Variants in KLHL1 observed in about 807,000 individuals in gnomAD.
The protein encoded by KLHL1 is kelch-like protein 1.
A neutral mutation model predicts 77.7 loss-of-function variants in KLHL1; 47 were observed. The ratio of observed to expected loss-of-function variants is 0.60; its 90% CI spans 0.48 to 0.77. The LOEUF (loss-of-function observed/expected upper bound fraction) is 0.77, where lower values mean the gene tolerates loss of function less well. Among genes scored for constraint, KLHL1 ranks in the 30% least tolerant of loss-of-function variants. The pLI is 0.00. For missense variants in KLHL1, 925 were observed against 910.8 expected (o/e 1.02, Z -0.20); for synonymous variants, 360 against 325.2 (o/e 1.11, Z -1.15).
intron 4 of KLHL1, among the ~76,000 whole-genome samples, chr13:69,936,765 T>G (rs973041238): frequency 1.8e-4 from 28 of 151,868 alleles, no homozygotes; most frequent in African/African-American, 6.5e-4. Context: ...GTCAGGGAAG[T>G]TTCTACTGAA....
chr13:69,927,457 C>T lies in KLHL1; in HGVS notation c.1014+12583G>A, dbSNP rs144960641. Among the ~76,000 whole-genome samples, 12 of 152,154 alleles carry T rather than the reference C, an allele frequency of 7.9e-5. No homozygotes were observed. The East Asian group carries it at 2.1e-3, about 27-fold the overall frequency. ...CCTCATTGAGAAAACACTTTCTCATCAGGAAAGTGAGAAGCGACCCACAAA... is the reference window on the plus strand; with the variant it reads ...CCTCATTGAGAAAACACTTTCTCATTAGGAAAGTGAGAAGCGACCCACAAA... On this transcript the variant is annotated intron_variant, in intron 4 of 10. Transcript: ENST00000377844.
Position 69,818,219 on chromosome 13 carries a change from CT to C in KLHL1, c.1414+20756del, listed in dbSNP as rs1316398623. Reference sequence around the variant, plus strand: ...AGAATTTAACTTAACTCATAGGCATCTTTTTTTTTTTTTTTTTTTTGAGACG... The same window carrying C: ...AGAATTTAACTTAACTCATAGGCATCTTTTTTTTTTTTTTTTTTTGAGACG... On this transcript the variant is annotated intron_variant, in intron 6 of 10. Coordinates refer to ENST00000377844, the MANE Select transcript of KLHL1 (RefSeq NM_020866.3). Among the ~76,000 whole-genome samples the C allele has an allele frequency of 3.1e-3, 353 of 112,876 alleles. 3 individuals are homozygous for C. The highest frequency in any genetic ancestry group is 8.7e-3 in the Middle Eastern group (2 of 230). 74.1% of individuals were successfully genotyped at this position (112,876 alleles called of 152,430 possible). A position where few individuals can be genotyped will look rare whatever the true frequency, so the allele number is the denominator to read the frequency against.
At chr13:69,720,235 AC>A (rs757493316) in intron 8 of KLHL1, among the ~76,000 whole-genome samples, 26 of 151,964 alleles carry the variant, frequency 1.7e-4, no homozygotes, top group East Asian at 1.4e-3. Flanking sequence ...GTATGATAGA[AC>A]CCCCCCAAAA....
chr13:70,100,104 A>G (rs1190744086), intron 1 of KLHL1, among the ~76,000 whole-genome samples: 3 of 152,060 alleles, frequency 2.0e-5, no homozygotes, highest in African/African-American at 7.2e-5. Context: ...CTTCAGTGAT[A>G]TGTTCATTTT....
At chr13:69,794,234 GAAGTCAGCT>G (rs1395239757) in intron 7 of KLHL1, among the ~76,000 whole-genome samples, 2 of 152,146 alleles carry the variant, frequency 1.3e-5, no homozygotes, top group African/African-American at 4.8e-5. Flanking sequence ...TAGGTTGAGC[GAAGTCAGCT>G]TACAGGCTTA....
intron 1 of KLHL1, among the ~76,000 whole-genome samples, chr13:70,093,622 A>T (rs1374984435): frequency 6.6e-6 from 1 of 152,154 alleles, no homozygotes; most frequent in Non-Finnish European, 1.5e-5. Context: ...ATTGTGTATA[A>T]GGGGGGATAT....
rs990718665 is a variant in KLHL1, at chr13:69,784,889, T to C, written c.1639+11849A>G. Among the ~76,000 whole-genome samples, 6 of 127,970 alleles carry C rather than the reference T, an allele frequency of 4.7e-5. No individual in the cohort carries two copies. The South Asian group carries it at 1.5e-3, about 31-fold the overall frequency. 84.0% of individuals were successfully genotyped at this position (127,970 alleles called of 152,430 possible). A position where few individuals can be genotyped will look rare whatever the true frequency, so the allele number is the denominator to read the frequency against. ...CAAATCAACAGAATATACATTTTTT[T>C]TTTTTTTTTTTTTTTTTTGAGACAG... is the stretch of plus-strand genomic sequence containing the variant. On this transcript the variant is annotated intron_variant, in intron 7 of 10. Transcript: ENST00000377844.
intron 5 of KLHL1, among the ~76,000 whole-genome samples, chr13:69,867,399 C>A (rs1173106216): frequency 6.6e-6 from 1 of 151,958 alleles, no homozygotes; most frequent in African/African-American, 2.4e-5. Context: ...ATATTTGTTT[C>A]AGTTACTGCA....
At chr13:70,106,220 G>A (rs1251984230) in intron 1 of KLHL1, among the ~76,000 whole-genome samples, 5 of 151,802 alleles carry the variant, frequency 3.3e-5, no homozygotes, top group Non-Finnish European at 7.4e-5. Context: ...TTACTGTGTA[G>A]TAATTAAAAT....
intron 5 of KLHL1, among the ~76,000 whole-genome samples, chr13:69,855,403 G>T (rs945665216): frequency 6.6e-6 from 1 of 151,960 alleles, no homozygotes; most frequent in African/African-American, 2.4e-5. Context: ...GAGATAGATA[G>T]AGATACAGAT....
chr13:70,060,391 T>C (rs1421670973), intron 1 of KLHL1, among the ~76,000 whole-genome samples: 2 of 152,084 alleles, frequency 1.3e-5, no homozygotes, highest in African/African-American at 2.4e-5. Flanking sequence ...AACTAGAATA[T>C]GATCTAGCAA....
chr13:69,703,449 TAAAA>T (rs200111252), intron 10 of KLHL1, among the ~76,000 whole-genome samples: 4 of 147,390 alleles, frequency 2.7e-5, no homozygotes, highest in Non-Finnish European at 6.0e-5. Flanking sequence ...GTTTAAAAAG[TAAAA>T]AAAAAAATTA....
At chr13:69,827,138 CAG>C (rs1249307468) in intron 6 of KLHL1, among the ~76,000 whole-genome samples, 6 of 151,178 alleles carry the variant, frequency 4.0e-5, no homozygotes, top group Non-Finnish European at 5.9e-5. Context: ...ATTAATAAAA[CAG>C]AGTTTGAAAA....
intron 1 of KLHL1, among the ~76,000 whole-genome samples, chr13:70,053,317 A>G (rs908017825): frequency 6.6e-6 from 1 of 152,090 alleles, no homozygotes; most frequent in African/African-American, 2.4e-5. Context: ...GATGTGAAAG[A>G]TAAGTTAGGG....
At chr13:69,719,290 A>G in intron 9 of KLHL1, 79 bp downstream of exon 9, 3 of 1,280,598 alleles carry the variant, frequency 2.3e-6, no homozygotes, top group Non-Finnish European at 2.2e-6. Flanking sequence ...AAATAATGCA[A>G]TTTTTCCAAT....
At chr13:69,706,436 T>G (rs1050456717) in intron 10 of KLHL1, among the ~76,000 whole-genome samples, 1 of 152,022 alleles carries the variant, frequency 6.6e-6, no homozygotes, top group African/African-American at 2.4e-5. Context: ...ATGCATACCA[T>G]CAAAACTTGC....
At chr13:70,023,000 C>T (rs1414177777) in intron 1 of KLHL1, among the ~76,000 whole-genome samples, 1 of 151,924 alleles carries the variant, frequency 6.6e-6, no homozygotes, top group Non-Finnish European at 1.5e-5. Context: ...ATGCATAACA[C>T]ATGCATATCC....
intron 1 of KLHL1, among the ~76,000 whole-genome samples, chr13:70,043,712 A>C (rs1403797620): frequency 6.6e-6 from 1 of 152,232 alleles, no homozygotes; most frequent in East Asian, 1.9e-4. Context: ...GCCTAGAAGC[A>C]ACAGACTATA....
chr13:69,941,476 A>G (rs1197508153), intron 3 of KLHL1, among the ~76,000 whole-genome samples: 1 of 152,032 alleles, frequency 6.6e-6, no homozygotes, highest in Non-Finnish European at 1.5e-5. Context: ...TTATAGCGAT[A>G]AATGCCTATA....
Sources: gnomAD v4.1 joint callset for allele counts (sites outside exome capture counted in the v4.1 genomes callset) on GRCh38, gnomAD v4.1.1 for gene constraint, MANE v1.5 for transcripts, NCBI Gene and HGNC (gene_info 2026-07-23, HGNC 2026-07-21) for gene names.